Variants in RNF216 observed in about 807,000 individuals in gnomAD.
The protein encoded by RNF216 is ring finger protein 216.
RNF216 carries 72 observed loss-of-function variants against 110.8 expected under a neutral mutation model. The ratio of observed to expected loss-of-function variants is 0.65; its 90% CI spans 0.54 to 0.79. The LOEUF is 0.79. Among genes scored for constraint, RNF216 ranks in the 30% least tolerant of loss-of-function variants. The pLI is 0.00. For missense variants in RNF216, 1,342 were observed against 1,141.2 expected, an observed-to-expected ratio of 1.18 and a Z score of -2.54; for synonymous variants, 495 against 407.5, an observed-to-expected ratio of 1.21 and a Z score of -2.59.
At chr7:5,770,789 T>G (rs1416847828) in intron 1 of RNF216, among the ~76,000 whole-genome samples, 1 of 151,722 alleles carries the variant, frequency 6.6e-6, no homozygotes, top group South Asian at 2.1e-4. Context: ...TGGAACAGAG[T>G]GCAGAACAGA....
chr7:5,639,076 G>A (rs1392400654), intron 15 of RNF216, among the ~76,000 whole-genome samples: 5 of 152,128 alleles, frequency 3.3e-5, no homozygotes, highest in Non-Finnish European at 5.9e-5. Flanking sequence ...ACTTCTTCCC[G>A]TCTCACTTGC....
rs554969178 is a variant in RNF216, at chr7:5,658,676, T to A, written c.2062-6166A>T. On this transcript the variant is annotated intron_variant, in intron 13 of 16. Transcript: ENST00000389902. The stretch of plus-strand genomic sequence containing the variant: ...TCTCAAAAAAAAAAAAAAAAAAAAA[T>A]TTTTTTAACTGACTTGAATAAAGCA... 2.1e-3 allele frequency among the ~76,000 whole-genome samples: 302 copies of A among 144,710 alleles called. 2 individuals are homozygous for A. Among genetic ancestry groups the A allele is most frequent in the Middle Eastern group, 7.2e-3 (2 of 278 alleles). The allele number at this position is 144,710 out of a possible 152,430, so 94.9% of individuals were successfully genotyped here.
At chr7:5,739,587 C>T in intron 4 of RNF216, 1 of 602,386 alleles carries the variant, frequency 1.7e-6, no homozygotes, top group African/African-American at 1.8e-5. Flanking sequence ...TTTTACAGAT[C>T]CATTCTTCAT....
chr7:5,685,319 A>C (rs984129381), intron 13 of RNF216, among the ~76,000 whole-genome samples: 2 of 152,160 alleles, frequency 1.3e-5, no homozygotes, highest in Non-Finnish European at 2.9e-5. Context: ...TTCCATGAAT[A>C]AAACGTGATT....
intron 1 of RNF216, among the ~76,000 whole-genome samples, chr7:5,761,545 T>C (rs779861149): frequency 3.3e-5 from 5 of 152,154 alleles, no homozygotes; most frequent in East Asian, 1.9e-4. Flanking sequence ...CCCAGCACTT[T>C]GGGAGGCCGA....
At chr7:5,691,766 T>C (rs1426096368) in intron 13 of RNF216, among the ~76,000 whole-genome samples, 5 of 152,196 alleles carry the variant, frequency 3.3e-5, no homozygotes, top group African/African-American at 4.8e-5. Context: ...GTGTATGAAA[T>C]TGAGGTCAGA....
intron 13 of RNF216, among the ~76,000 whole-genome samples, chr7:5,672,158 T>G (rs2128596446): frequency 6.6e-6 from 1 of 152,324 alleles, no homozygotes. Flanking sequence ...AGACGTTAAG[T>G]CCTGATTCTG....
At chr7:5,752,142 G>A (rs890198614) in intron 3 of RNF216, among the ~76,000 whole-genome samples, 4 of 151,760 alleles carry the variant, frequency 2.6e-5, no homozygotes, top group East Asian at 1.9e-4. Context: ...CCAAGATCGC[G>A]CCACTGCACT....
At chr7:5,627,477 G>A (rs1012212026) in intron 15 of RNF216, among the ~76,000 whole-genome samples, 2 of 152,176 alleles carry the variant, frequency 1.3e-5, no homozygotes, top group African/African-American at 4.8e-5. Flanking sequence ...TAGACACTCG[G>A]TGGTTCACGC....
intron 14 of RNF216, among the ~76,000 whole-genome samples, chr7:5,648,386 C>A (rs773974718): frequency 6.6e-6 from 1 of 151,302 alleles, no homozygotes; most frequent in Non-Finnish European, 1.5e-5. Flanking sequence ...GGGTTACAGG[C>A]GTGAGCCACT....
intron 13 of RNF216, among the ~76,000 whole-genome samples, chr7:5,674,156 A>G (rs1368702528): frequency 6.6e-6 from 1 of 151,794 alleles, no homozygotes; most frequent in African/African-American, 2.4e-5. Flanking sequence ...CAGCCTCCTG[A>G]ATAGCTGGGA....
intron 15 of RNF216, among the ~76,000 whole-genome samples, chr7:5,634,574 G>A (rs961049531): frequency 5.9e-5 from 9 of 152,196 alleles, no homozygotes; most frequent in African/African-American, 2.2e-4. Flanking sequence ...GCAGGACAGT[G>A]TGCTGGGGAG....
intron 8 of RNF216, 106 bp from the exon 9 acceptor site, chr7:5,721,278 G>T: frequency 1.0e-6 from 1 of 1,000,938 alleles, no homozygotes; most frequent in Non-Finnish European, 1.5e-6. Flanking sequence ...TCTCTCTGAT[G>T]GTACGTTTCA....
intron 13 of RNF216, among the ~76,000 whole-genome samples, chr7:5,675,639 AAAACAAAC>A (rs372675901): frequency 3.3e-5 from 5 of 151,656 alleles, no homozygotes; most frequent in Non-Finnish European, 7.4e-5. Context: ...AGACCCTCTC[AAAACAAAC>A]AAACAAACAA....
chr7:5,777,869 A>G (rs752685840), intron 1 of RNF216, among the ~76,000 whole-genome samples: 2 of 152,236 alleles, frequency 1.3e-5, no homozygotes, highest in Non-Finnish European at 2.9e-5. Flanking sequence ...AAACAATTTA[A>G]CATAAAACAT....
intron 15 of RNF216, among the ~76,000 whole-genome samples, chr7:5,633,802 A>T (rs1023147392): frequency 6.6e-6 from 1 of 152,156 alleles, no homozygotes; most frequent in African/African-American, 2.4e-5. Flanking sequence ...CGGCCTTTCC[A>T]GAAACGTGCT....
At chr7:5,722,598 G>C (rs895214908) in intron 8 of RNF216, among the ~76,000 whole-genome samples, 1 of 151,510 alleles carries the variant, frequency 6.6e-6, no homozygotes, top group Admixed American at 6.6e-5. Context: ...CACTGTGTTA[G>C]CCAGGATGGT....
At chr7:5,668,457 T>G (rs1789675151) in intron 13 of RNF216, among the ~76,000 whole-genome samples, 1 of 151,986 alleles carries the variant, frequency 6.6e-6, no homozygotes, top group Non-Finnish European at 1.5e-5. Flanking sequence ...TTTCCTGACC[T>G]CGTGATCTGC....
chr7:5,644,568 T>C (rs930510058), intron 14 of RNF216, among the ~76,000 whole-genome samples: 4 of 151,928 alleles, frequency 2.6e-5, no homozygotes, highest in African/African-American at 9.7e-5. Flanking sequence ...TGCAGTAGTG[T>C]AATATCAGCT....
Sources: gnomAD v4.1 joint callset for allele counts (sites outside exome capture counted in the v4.1 genomes callset) on GRCh38, gnomAD v4.1.1 for gene constraint, MANE v1.5 for transcripts, NCBI Gene and HGNC (gene_info 2026-07-23, HGNC 2026-07-21) for gene names.